CREB3L2: variants seen among roughly 807,000 people sequenced by gnomAD.
The protein encoded by CREB3L2 is cyclic AMP-responsive element-binding protein 3-like protein 2.
A neutral mutation model predicts 57.2 loss-of-function variants in CREB3L2; 23 were observed. That is an observed-to-expected ratio of 0.40 (90% CI 0.29 to 0.57). CREB3L2 has a LOEUF of 0.57. CREB3L2 is among the 20% of genes least tolerant of loss of function. CREB3L2 has a pLI of 0.42. For synonymous variants in CREB3L2, 268 were observed against 265.1 expected (o/e 1.01, Z -0.11); for missense variants, 628 against 634.7 (o/e 0.99, Z 0.11).
At chr7:137,887,401 C>T (rs944290286) in intron 8 of CREB3L2, among the ~76,000 whole-genome samples, 1 of 152,136 alleles carries the variant, frequency 6.6e-6, no homozygotes, top group Non-Finnish European at 1.5e-5. Flanking sequence ...AGAGTAGATG[C>T]TTTCTGGACT....
At chr7:137,984,784 G>A (rs1222488027) in intron 1 of CREB3L2, among the ~76,000 whole-genome samples, 7 of 152,138 alleles carry the variant, frequency 4.6e-5, no homozygotes, top group South Asian at 2.1e-4. Context: ...TTTTTCTTTC[G>A]GTTGGCAAAT....
At chr7:137,933,237 G>A (rs568771691) in intron 1 of CREB3L2, among the ~76,000 whole-genome samples, 1 of 152,260 alleles carries the variant, frequency 6.6e-6, no homozygotes, top group African/African-American at 2.4e-5. Flanking sequence ...AATGCAAGAG[G>A]TAAACCCACA....
At position 137,901,363 on chromosome 7, in the gene CREB3L2, T is replaced by A; in HGVS notation, c.1034A>T (p.Asn345Ile). 2 of 1,589,430 alleles carry A rather than the reference T, an allele frequency of 1.3e-6. No homozygotes were observed. The stretch of plus-strand genomic sequence containing the variant: ...GTCCAGTGACACTTACCTATTAGTG[T>A]TCTCTAGAACCTCTACCTTCTTCCG... ...ELRKKVEVLENTNRTLLQQLQ... is the reference protein window; with the variant it reads ...ELRKKVEVLEITNRTLLQQLQ... The change falls in exon 8 of 12, where the codon AAC (asparagine) becomes ATC (isoleucine). Residue 345 changes from asparagine (N) to isoleucine (I), a missense_variant. By Grantham distance (149) the Asn-to-Ile change is moderately radical. This residue lies in a region of CREB3L2 where 272 missense variants were observed against 242.7 expected (regional missense o/e 1.12). Coordinates refer to ENST00000330387, the MANE Select transcript of CREB3L2 (RefSeq NM_194071.4).
rs548108439 is a variant in CREB3L2, at chr7:137,930,459, C to T, written c.103-2093G>A. Among the ~76,000 whole-genome samples the T allele has an allele frequency of 5.9e-5, 9 of 152,200 alleles. No homozygotes were observed. In the South Asian group the frequency reaches 1.7e-3, roughly 28 times the overall value. On this transcript the variant is annotated intron_variant, in intron 1 of 11. Transcript: ENST00000330387. ...CACCAAACTGAAGTGTCAATGAAGGCGTTATGAAAATGAACACCAGAAGGG... is the reference window on the plus strand; with the variant it reads ...CACCAAACTGAAGTGTCAATGAAGGTGTTATGAAAATGAACACCAGAAGGG...
At chr7:137,882,964 G>C (rs991494145) in intron 10 of CREB3L2, among the ~76,000 whole-genome samples, 1 of 152,142 alleles carries the variant, frequency 6.6e-6, no homozygotes, top group African/African-American at 2.4e-5. Context: ...AATGGGAGTG[G>C]AATACTTGGA....
rs1490260569 is a variant in CREB3L2, at chr7:137,922,411, TATATGTATATATATATATATATATAC to T, written c.319+5713_319+5738del. ...ATATATATATATATATATATATATA[TATATGTATATATATATATATATATAC>T]GTATATATATATATATACACACATA... On this transcript the variant is annotated intron_variant, in intron 2 of 11. Transcript: ENST00000330387. Among the ~76,000 whole-genome samples, 16 of 24,446 alleles carry T rather than the reference TATATGTATATATATATATATATATAC, an allele frequency of 6.5e-4. 1 individual carries two copies. The highest frequency in any genetic ancestry group is 3.4e-3 in the African/African-American group (16 of 4,748). The allele number at this position is 24,446 out of a possible 152,430, so 16.0% of individuals were successfully genotyped here. A position where few individuals can be genotyped will look rare whatever the true frequency, so the allele number is the denominator to read the frequency against.
intron 2 of CREB3L2, among the ~76,000 whole-genome samples, chr7:137,920,707 T>C (rs1050020893): frequency 3.3e-5 from 5 of 152,244 alleles, no homozygotes; most frequent in South Asian, 2.1e-4. Flanking sequence ...TGTTTGTAGA[T>C]TGGCTGATCA....
At chr7:137,961,319 G>C (rs1801318898) in intron 1 of CREB3L2, among the ~76,000 whole-genome samples, 1 of 152,090 alleles carries the variant, frequency 6.6e-6, no homozygotes, top group Admixed American at 6.5e-5. Flanking sequence ...TGGCAGTTTG[G>C]AGGAAAGTAC....
intron 8 of CREB3L2, among the ~76,000 whole-genome samples, chr7:137,900,170 A>G (rs1047929865): frequency 2.0e-5 from 3 of 152,202 alleles, no homozygotes; most frequent in African/African-American, 4.8e-5. Context: ...TTTCTCTTGC[A>G]TATGAGCCAG....
At chr7:137,998,781 T>C (rs749324018) in intron 1 of CREB3L2, among the ~76,000 whole-genome samples, 13 of 152,104 alleles carry the variant, frequency 8.5e-5, no homozygotes, top group Non-Finnish European at 1.8e-4. Flanking sequence ...AAAATGAAAA[T>C]GTAAGGTCCC....
rs1799275022 is a variant in CREB3L2, at chr7:137,880,622, C to T, written c.1488-71G>A. 1.0e-5 allele frequency: 13 copies of T among 1,254,862 alleles called. No individual in the cohort carries two copies. Among genetic ancestry groups the T allele is most frequent in the Non-Finnish European group, 1.5e-5 (13 of 859,866 alleles). The allele number at this position is 1,254,862 out of a possible 1,614,324, so 77.7% of individuals were successfully genotyped here. A position where few individuals can be genotyped will look rare whatever the true frequency, so the allele number is the denominator to read the frequency against. ...TAGCTACAATTCTCATGCTTTGTAG[C>T]GTGATGCAATCATTCAGGGGTTGCA... is the stretch of plus-strand genomic sequence containing the variant. On this transcript the variant is annotated intron_variant, in intron 11 of 11. Coordinates refer to ENST00000330387, the MANE Select transcript of CREB3L2 (RefSeq NM_194071.4). The surrounding 1 kb of genome is among the most constrained non-coding windows in gnomAD (Gnocchi z 4.0).
chr7:137,956,785 G>A (rs1801222467), intron 1 of CREB3L2: 3 of 447,334 alleles, frequency 6.7e-6, no homozygotes, highest in Non-Finnish European at 1.3e-5. Context: ...CCACCTAAAA[G>A]AGTTAGACCA....
chr7:137,983,685 G>A (rs917969629), intron 1 of CREB3L2, among the ~76,000 whole-genome samples: 6 of 152,292 alleles, frequency 3.9e-5, no homozygotes, highest in Non-Finnish European at 7.4e-5. Context: ...TGGCCACTCC[G>A]TTTGCTATGG....
At chr7:137,986,824 T>C (rs1020866236) in intron 1 of CREB3L2, among the ~76,000 whole-genome samples, 1 of 152,248 alleles carries the variant, frequency 6.6e-6, no homozygotes, top group Non-Finnish European at 1.5e-5. Flanking sequence ...CCTCAGCTTG[T>C]AAACACAGCT....
At chr7:137,951,101 C>G (rs1413044334) in intron 1 of CREB3L2, among the ~76,000 whole-genome samples, 1 of 152,256 alleles carries the variant, frequency 6.6e-6, no homozygotes, top group African/African-American at 2.4e-5. Context: ...ACTCTGCCTT[C>G]TTGCTGTAGC....
In CREB3L2 at chr7:137,893,095, T is replaced by G. The variant is rs115972837; in HGVS notation, c.1044-7593A>C. 2.0e-3 allele frequency among the ~76,000 whole-genome samples: 306 copies of G among 152,258 alleles called. 4 individuals carry two copies. The highest frequency in any genetic ancestry group is 7.0e-3 in the African/African-American group (291 of 41,558). On this transcript the variant is annotated intron_variant, in intron 8 of 11. Coordinates refer to ENST00000330387, the MANE Select transcript of CREB3L2 (RefSeq NM_194071.4). ...AAATGAAAAAAAAAAGCGTATAAAT[T>G]TTCTCCTTTTTCTTCCTGTGTTAAT...
chr7:137,907,671 C>A (rs1042107399), intron 5 of CREB3L2, among the ~76,000 whole-genome samples: 6 of 152,140 alleles, frequency 3.9e-5, no homozygotes, highest in African/African-American at 1.4e-4. Context: ...ACTCCTAGAA[C>A]AATAAGGAGT....
chr7:137,887,195 C>T (rs182138072), intron 8 of CREB3L2, among the ~76,000 whole-genome samples: 130 of 152,270 alleles, frequency 8.5e-4, no homozygotes, highest in Non-Finnish European at 6.9e-4. Context: ...CCACAGTCTA[C>T]CCCCGAATAG....
At chr7:137,953,961 G>A (rs1183303474) in intron 1 of CREB3L2, among the ~76,000 whole-genome samples, 1 of 152,200 alleles carries the variant, frequency 6.6e-6, no homozygotes, top group African/African-American at 2.4e-5. Context: ...TGTAAACCTG[G>A]AAGAATAAAC....
Sources: gnomAD v4.1 joint callset for allele counts (sites outside exome capture counted in the v4.1 genomes callset) on GRCh38, gnomAD v4.1.1 for gene constraint, gnomAD v4.1.1 regional missense constraint, Gnocchi (gnomAD v3.1) non-coding constraint, MANE v1.5 for transcripts, NCBI Gene and HGNC (gene_info 2026-07-23, HGNC 2026-07-21) for gene names.